Variants in PXDNL observed in about 807,000 individuals in gnomAD.
PXDNL encodes the protein peroxidasin like.
Under a neutral mutation model 150.8 loss-of-function variants are expected in PXDNL, and 145 were observed. The ratio of observed to expected loss-of-function variants is 0.96; its 90% CI spans 0.84 to 1.10. PXDNL has a LOEUF of 1.10. Ranked by LOEUF, PXDNL falls within the 50% of genes least tolerant of loss-of-function variation. The probability of loss-of-function intolerance (pLI) is 0.00; values close to 1 mark genes in which losing one functional copy is unlikely to be tolerated. For missense variants in PXDNL, 2,087 were observed against 1,873.9 expected (o/e 1.11, Z -2.10); for synonymous variants, 757 against 725.7 (o/e 1.04, Z -0.69).
At chr8:51,577,999 G>C (rs200874911) in intron 3 of PXDNL, among the ~76,000 whole-genome samples, 1 of 31,524 alleles carries the variant, frequency 3.2e-5, no homozygotes, top group Non-Finnish European at 6.2e-5. Flanking sequence ...AAGAAAGAAA[G>C]AGGAAGGAAG....
At chr8:51,553,579 A>C (rs1812537172) in intron 4 of PXDNL, among the ~76,000 whole-genome samples, 1 of 152,104 alleles carries the variant, frequency 6.6e-6, no homozygotes, top group Admixed American at 6.6e-5. Flanking sequence ...ATGCGCATTG[A>C]AAACATGAAA....
Position 51,476,667 on chromosome 8 carries a change from A to G in PXDNL, c.525-1526T>C, listed in dbSNP as rs187315851. 1.1e-4 allele frequency among the ~76,000 whole-genome samples: 16 copies of G among 152,328 alleles called. No individual in the cohort carries two copies. The East Asian group carries it at 2.7e-3, about 26-fold the overall frequency. On this transcript the variant is annotated intron_variant, in intron 6 of 22. Transcript: ENST00000356297. ...GCAAAAAGGCGCAGAAATGATTAAT[A>G]CTTTTTTTCATTTCTCCCAATGGGT... is the stretch of plus-strand genomic sequence containing the variant.
intron 1 of PXDNL, among the ~76,000 whole-genome samples, chr8:51,793,188 A>G (rs1200374170): frequency 6.6e-6 from 1 of 152,192 alleles, no homozygotes; most frequent in African/African-American, 2.4e-5. Flanking sequence ...CGAGGGACCC[A>G]GGTCTGGAGT....
At chr8:51,544,925 G>A (rs368302403) in intron 4 of PXDNL, among the ~76,000 whole-genome samples, 12 of 151,778 alleles carry the variant, frequency 7.9e-5, no homozygotes, top group East Asian at 5.8e-4. Context: ...AAACATCTCC[G>A]GCACCTTAAG....
At chr8:51,675,982 C>A (rs1308339965) in intron 1 of PXDNL, among the ~76,000 whole-genome samples, 1 of 152,114 alleles carries the variant, frequency 6.6e-6, no homozygotes, top group Non-Finnish European at 1.5e-5. Flanking sequence ...ATCTGGTCAT[C>A]CATTGCATAA....
chr8:51,527,464 GT>G (rs1318939106), intron 4 of PXDNL, among the ~76,000 whole-genome samples: 1 of 152,178 alleles, frequency 6.6e-6, no homozygotes, highest in Non-Finnish European at 1.5e-5. Context: ...GAGCAAACAG[GT>G]TGTGGCATTT....
At position 51,319,616 on chromosome 8, in the gene PXDNL, G is replaced by T. The variant is rs1182708119; in HGVS notation, c.*275C>A. On this transcript the variant is annotated 3_prime_UTR_variant, in exon 23 of 23. Transcript: ENST00000356297. Reference sequence around the variant, plus strand: ...TCCATGATATTCTTTTTATTTCCAGGTGTGGCATATAAAACTGACAGCTTA... The same window carrying T: ...TCCATGATATTCTTTTTATTTCCAGTTGTGGCATATAAAACTGACAGCTTA... 4 of 213,410 alleles carry T rather than the reference G, an allele frequency of 1.9e-5. No homozygotes were observed. Among genetic ancestry groups the T allele is most frequent in the African/African-American group, 2.3e-5 (1 of 43,522 alleles). The allele number at this position is 213,410 out of a possible 1,614,324, so 13.2% of individuals were successfully genotyped here. A position where few individuals can be genotyped will look rare whatever the true frequency, so the allele number is the denominator to read the frequency against.
intron 1 of PXDNL, among the ~76,000 whole-genome samples, chr8:51,672,533 A>C (rs1815517669): frequency 6.6e-6 from 1 of 152,162 alleles, no homozygotes; most frequent in Admixed American, 6.5e-5. Context: ...GAAATGTCAA[A>C]ATTACAAATA....
chr8:51,487,676 G>A (rs916110581), intron 5 of PXDNL, among the ~76,000 whole-genome samples: 1 of 152,148 alleles, frequency 6.6e-6, no homozygotes, highest in Non-Finnish European at 1.5e-5. Context: ...GTAGTAAGAA[G>A]TTGATTGTGT....
chr8:51,758,681 A>G (rs1038618047), intron 1 of PXDNL, among the ~76,000 whole-genome samples: 8 of 152,120 alleles, frequency 5.3e-5, no homozygotes, highest in African/African-American at 1.9e-4. Flanking sequence ...CCTTCCTGCC[A>G]CCTTGTGAAG....
At chr8:51,677,937 A>C (rs1053287761) in intron 1 of PXDNL, among the ~76,000 whole-genome samples, 5 of 152,222 alleles carry the variant, frequency 3.3e-5, no homozygotes, top group Admixed American at 3.3e-4. Flanking sequence ...CTCCTTCCTC[A>C]TAAAGGCTAT....
chr8:51,425,765 T>A (rs1563407251), intron 13 of PXDNL, among the ~76,000 whole-genome samples: 1 of 151,114 alleles, frequency 6.6e-6, no homozygotes, highest in Non-Finnish European at 1.5e-5. Context: ...GAACTTGTAG[T>A]GAGCCGAGAT....
At chr8:51,711,450 T>C (rs1816495728) in intron 1 of PXDNL, among the ~76,000 whole-genome samples, 1 of 152,236 alleles carries the variant, frequency 6.6e-6, no homozygotes, top group South Asian at 2.1e-4. Context: ...AATTATCTCT[T>C]GAACATATCA....
intron 2 of PXDNL, among the ~76,000 whole-genome samples, chr8:51,650,438 T>C (rs1815010157): frequency 6.6e-6 from 1 of 152,208 alleles, no homozygotes; most frequent in South Asian, 2.1e-4. Context: ...CTTGGTTTTA[T>C]TCTCCTGATG....
At chr8:51,637,993 G>C (rs182109295) in intron 2 of PXDNL, among the ~76,000 whole-genome samples, 199 of 152,280 alleles carry the variant, frequency 1.3e-3, no homozygotes, top group African/African-American at 4.5e-3. Context: ...TCAGACTAAC[G>C]GCAGATCTGT....
chr8:51,389,739 C>A (rs751355118), intron 17 of PXDNL, among the ~76,000 whole-genome samples: 5 of 152,068 alleles, frequency 3.3e-5, no homozygotes, highest in Non-Finnish European at 7.4e-5. Context: ...TATAGTTTTA[C>A]TTTTTGTTCA....
chr8:51,588,285 TC>T (rs1273767945), intron 3 of PXDNL, among the ~76,000 whole-genome samples: 1 of 152,164 alleles, frequency 6.6e-6, no homozygotes, highest in Admixed American at 6.5e-5. Context: ...TCTACAAAAT[TC>T]CCTGGTTTGA....
intron 1 of PXDNL, among the ~76,000 whole-genome samples, chr8:51,701,883 G>A (rs1805092093): frequency 6.6e-6 from 1 of 152,126 alleles, no homozygotes; most frequent in South Asian, 2.1e-4. Context: ...CTTGAAGCCA[G>A]TGGTTCTCAG....
rs1807243920 is a variant in PXDNL at position 51,374,674 on chromosome 8, C to T, written c.3615G>A (p.Leu1205=). The T allele has an allele frequency of 1.2e-6, 2 of 1,613,908 alleles. No individual in the cohort carries two copies. The highest frequency in any genetic ancestry group is 2.2e-5 in the South Asian group (2 of 91,066). ...DLWPALMVED[L]IPGTRVGPTL... ...TTGGTCCCACTCTTGTACCAGGAATCAGGTCTTCAACCATAAGGGCGGGCC... is the reference window on the plus strand; with the variant it reads ...TTGGTCCCACTCTTGTACCAGGAATTAGGTCTTCAACCATAAGGGCGGGCC... The change falls in exon 18 of 23, where the codon CTG becomes CTA. Residue 1205 remains leucine, a synonymous_variant. Transcript: ENST00000356297.
Sources: allele counts gnomAD v4.1 joint callset (sites outside exome capture counted in the v4.1 genomes callset), GRCh38; gene constraint gnomAD v4.1.1; transcripts MANE v1.5; gene names NCBI Gene and HGNC (gene_info 2026-07-23, HGNC 2026-07-21).